Variants in PITPNC1 observed in about 807,000 individuals in gnomAD.
PITPNC1 encodes the protein cytoplasmic phosphatidylinositol transfer protein 1.
PITPNC1 carries 18 observed loss-of-function variants against 44.7 expected under a neutral mutation model. That is an observed-to-expected ratio of 0.40 (90% CI 0.28 to 0.60). The LOEUF is 0.60. Ranked by LOEUF, PITPNC1 falls within the 20% of genes least tolerant of loss-of-function variation. The pLI, the probability that PITPNC1 is intolerant of heterozygous loss-of-function variation, is 0.39. For synonymous variants in PITPNC1, 141 were observed against 149.6 expected (o/e 0.94, Z 0.42); for missense variants, 290 against 418.4 (o/e 0.69, Z 2.68).
chr17:67,391,030 T>G (rs184714666), intron 1 of PITPNC1, among the ~76,000 whole-genome samples: 79 of 151,704 alleles, frequency 5.2e-4, no homozygotes, highest in African/African-American at 1.8e-3. Context: ...GCGTAAGTTC[T>G]TGGTCAGATT....
chr17:67,430,415 G>C (rs1296278125), intron 1 of PITPNC1, among the ~76,000 whole-genome samples: 1 of 151,958 alleles, frequency 6.6e-6, no homozygotes, highest in Non-Finnish European at 1.5e-5. Flanking sequence ...TTGAACTCGG[G>C]AGGTGGAGGT....
intron 5 of PITPNC1, among the ~76,000 whole-genome samples, chr17:67,590,229 G>A (rs939026613): frequency 6.6e-6 from 1 of 152,066 alleles, no homozygotes; most frequent in Non-Finnish European, 1.5e-5. Context: ...TACTAAAATA[G>A]AATTAAAACG....
intron 1 of PITPNC1, among the ~76,000 whole-genome samples, chr17:67,493,837 A>G (rs1052412735): frequency 6.6e-6 from 1 of 152,228 alleles, no homozygotes; most frequent in African/African-American, 2.4e-5. Context: ...CAGAATGAGA[A>G]AAATTCAGGT....
chr17:67,493,315 G>T (rs2039888288), intron 1 of PITPNC1, among the ~76,000 whole-genome samples: 1 of 152,186 alleles, frequency 6.6e-6, no homozygotes, highest in African/African-American at 2.4e-5. Flanking sequence ...AATCGGAGAG[G>T]CTGGGCTACT....
chr17:67,682,872 A>G (rs2042736667), intron 8 of PITPNC1, among the ~76,000 whole-genome samples: 1 of 152,192 alleles, frequency 6.6e-6, no homozygotes, highest in Admixed American at 6.6e-5. Context: ...CCTTTAATTA[A>G]GAGTTTGGGC....
chr17:67,583,990 C>T (rs1377668019), intron 5 of PITPNC1, among the ~76,000 whole-genome samples: 1 of 151,738 alleles, frequency 6.6e-6, no homozygotes, highest in African/African-American at 2.4e-5. Context: ...CCGCCCGCCT[C>T]GGCTTCCCAA....
At chr17:67,581,853 C>T (rs368930874) in intron 5 of PITPNC1, among the ~76,000 whole-genome samples, 1 of 151,974 alleles carries the variant, frequency 6.6e-6, no homozygotes, top group South Asian at 2.1e-4. Flanking sequence ...GCCAACATGG[C>T]GAAACCTCGT....
At chr17:67,396,678 A>T (rs1171699455) in intron 1 of PITPNC1, among the ~76,000 whole-genome samples, 2 of 145,340 alleles carry the variant, frequency 1.4e-5, no homozygotes, top group South Asian at 2.2e-4. Flanking sequence ...CCTTATTTTT[A>T]TTTTTTGAGA....
At chr17:67,670,678 G>A (rs1037901637) in intron 7 of PITPNC1, among the ~76,000 whole-genome samples, 2 of 149,678 alleles carry the variant, frequency 1.3e-5, no homozygotes, top group African/African-American at 4.9e-5. Flanking sequence ...TTGAACCCAG[G>A]AGGCAGAGGT....
intron 1 of PITPNC1, among the ~76,000 whole-genome samples, chr17:67,501,485 A>G (rs994658799): frequency 1.3e-5 from 2 of 151,942 alleles, no homozygotes; most frequent in African/African-American, 2.4e-5. Context: ...TTATTTTGCA[A>G]CCTTTTGGAT....
At position 67,692,956 on chromosome 17, in the gene PITPNC1, C is replaced by CTGAT; in HGVS notation, c.*69_*72dup. 2.0e-6 allele frequency: 2 copies of CTGAT among 1,024,176 alleles called. No individual in the cohort carries two copies. Among genetic ancestry groups the CTGAT allele is most frequent in the East Asian group, 2.4e-5 (1 of 41,872 alleles). The allele number at this position is 1,024,176 out of a possible 1,614,324, so 63.4% of individuals were successfully genotyped here. A position where few individuals can be genotyped will look rare whatever the true frequency, so the allele number is the denominator to read the frequency against. ...GTTGTTGTTTTTTTTTAAGAATCTT[C>CTGAT]TGATAGAGAAAAAGACTGCTTTGTC... is the stretch of plus-strand genomic sequence containing the variant. On this transcript the variant is annotated 3_prime_UTR_variant, in exon 9 of 9. Transcript: ENST00000581322.
intron 2 of PITPNC1, among the ~76,000 whole-genome samples, chr17:67,543,730 C>T (rs2040639095): frequency 6.6e-6 from 1 of 152,174 alleles, no homozygotes; most frequent in South Asian, 2.1e-4. Context: ...GTTGCTTCAT[C>T]TTCTGGCCCC....
chr17:67,572,470 G>C (rs1034782339), intron 4 of PITPNC1, among the ~76,000 whole-genome samples: 2 of 67,628 alleles, frequency 3.0e-5, no homozygotes, highest in Admixed American at 1.6e-4. Context: ...GGGTAAAGCG[G>C]GGGGGGGGGG....
At chr17:67,543,904 G>A (rs544121331) in intron 2 of PITPNC1, among the ~76,000 whole-genome samples, 4 of 152,310 alleles carry the variant, frequency 2.6e-5, no homozygotes, top group Admixed American at 2.0e-4. Context: ...AGGCAGGAGT[G>A]CGGTGCTGTA....
intron 5 of PITPNC1, among the ~76,000 whole-genome samples, chr17:67,609,792 A>C (rs1446673211): frequency 6.6e-6 from 1 of 151,982 alleles, no homozygotes; most frequent in East Asian, 1.9e-4. Flanking sequence ...ATTCCAAAAA[A>C]AAAAAAAGCC....
At chr17:67,519,162 C>T (rs2040293964) in intron 1 of PITPNC1, among the ~76,000 whole-genome samples, 1 of 145,502 alleles carries the variant, frequency 6.9e-6, no homozygotes, top group South Asian at 2.2e-4. Flanking sequence ...ATGTTCACAG[C>T]AGCATTCTGT....
chr17:67,570,910 A>T (rs2041046714), intron 4 of PITPNC1, among the ~76,000 whole-genome samples: 1 of 152,140 alleles, frequency 6.6e-6, no homozygotes, highest in Admixed American at 6.6e-5. Context: ...CTGGGCAATA[A>T]GCAGTGGCCA....
At chr17:67,526,585 A>G (rs2040393991) in intron 1 of PITPNC1, among the ~76,000 whole-genome samples, 3 of 152,016 alleles carry the variant, frequency 2.0e-5, no homozygotes, top group Admixed American at 2.0e-4. Flanking sequence ...AACAAAACTT[A>G]GCCAGGCATG....
At chr17:67,491,487 T>C (rs899165894) in intron 1 of PITPNC1, among the ~76,000 whole-genome samples, 3 of 152,262 alleles carry the variant, frequency 2.0e-5, no homozygotes, top group Middle Eastern at 3.4e-3. Context: ...TATAGCCTGG[T>C]TTTCTGAGCT....
Sources: gnomAD v4.1 joint callset for allele counts (sites outside exome capture counted in the v4.1 genomes callset) on GRCh38, gnomAD v4.1.1 for gene constraint, MANE v1.5 for transcripts, NCBI Gene and HGNC (gene_info 2026-07-23, HGNC 2026-07-21) for gene names.